DEPDC1B: variants seen among roughly 807,000 people sequenced by gnomAD.
The protein encoded by DEPDC1B is DEP domain-containing protein 1B.
Under a neutral mutation model 66.5 loss-of-function variants are expected in DEPDC1B, and 51 were observed. The ratio of observed to expected loss-of-function variants is 0.77; its 90% CI spans 0.61 to 0.97. The LOEUF (loss-of-function observed/expected upper bound fraction) is 0.97, where lower values mean the gene tolerates loss of function less well. Ranked by LOEUF, DEPDC1B falls within the 50% of genes least tolerant of loss-of-function variation. The pLI is 0.00. For synonymous variants in DEPDC1B, 226 were observed against 223.6 expected (o/e 1.01, Z -0.10); for missense variants, 552 against 637.1 (o/e 0.87, Z 1.44).
intron 7 of DEPDC1B, among the ~76,000 whole-genome samples, chr5:60,634,675 A>AAAATAAAT (rs57970296): frequency 0.11 from 16,688 of 146,356 alleles, 1,751 homozygotes; most frequent in African/African-American, 0.27. Context: ...CTGTCTCAAA[A>AAAATAAAT]AAATAAATAA....
intron 9 of DEPDC1B, among the ~76,000 whole-genome samples, chr5:60,602,367 C>CA (rs1303533924): frequency 2.6e-5 from 4 of 151,882 alleles, no homozygotes; most frequent in Admixed American, 1.3e-4. Context: ...TTGATAATTG[C>CA]AAAAAAATAG....
At chr5:60,658,752 G>A (rs1406165715) in intron 2 of DEPDC1B, among the ~76,000 whole-genome samples, 1 of 152,198 alleles carries the variant, frequency 6.6e-6, no homozygotes, top group Non-Finnish European at 1.5e-5. Context: ...GCAGGGAGCA[G>A]CAACCCCCTT....
At chr5:60,651,421 G>A (rs549786356) in intron 2 of DEPDC1B, among the ~76,000 whole-genome samples, 11 of 151,842 alleles carry the variant, frequency 7.2e-5, no homozygotes, top group South Asian at 2.1e-4. Context: ...CCAGCTACTC[G>A]GAAGGCAAAG....
chr5:60,634,861 T>A (rs967389344), intron 7 of DEPDC1B, among the ~76,000 whole-genome samples: 1 of 151,286 alleles, frequency 6.6e-6, no homozygotes, highest in African/African-American at 2.4e-5. Context: ...TAATTCAACA[T>A]CCTTACCTTG....
chr5:60,668,663 T>C (rs1051071446), intron 2 of DEPDC1B, among the ~76,000 whole-genome samples: 1 of 152,118 alleles, frequency 6.6e-6, no homozygotes, highest in East Asian at 1.9e-4. Flanking sequence ...CATTTCCAGA[T>C]GTGGAATTAG....
At chr5:60,614,254 TAAAC>T (rs1418019086) in intron 7 of DEPDC1B, among the ~76,000 whole-genome samples, 2 of 152,240 alleles carry the variant, frequency 1.3e-5, no homozygotes, top group Non-Finnish European at 2.9e-5. Context: ...AGTTAACAAA[TAAAC>T]AACCCAACTT....
rs1299303558 is a variant in DEPDC1B at position 60,622,031 on chromosome 5, A to T, written c.899-16175T>A. 1.4e-4 allele frequency among the ~76,000 whole-genome samples: 16 copies of T among 112,304 alleles called. No individual in the cohort carries two copies. The East Asian group carries it at 1.8e-3, about 13-fold the overall frequency. The allele number at this position is 112,304 out of a possible 152,430, so 73.7% of individuals were successfully genotyped here. On this transcript the variant is annotated intron_variant, in intron 7 of 10. Transcript: ENST00000265036. ...AAATAAAAATAAAACATGATGCTTT[A>T]AAAAAAAAAGTCCTCAAATAACATG...
chr5:60,647,422 G>A lies in DEPDC1B; in HGVS notation c.426C>T (p.Asn142=), dbSNP rs1402263707. 6.2e-7 allele frequency: 1 copy of A among 1,610,532 alleles called. No individual in the cohort carries two copies. ...CCATCACAACTGGCCTCACTGGGAT[G>A]TTCTCTTGTGAAGTGCCTGGTGGGA... ...NDLPPGTSQE[N]IPVRPVVMNS... Residue 142 remains asparagine, a synonymous_variant, in exon 3 of 11, where the codon AAC becomes AAT. Transcript: ENST00000265036.
chr5:60,635,774 AT>A (rs545445525), intron 7 of DEPDC1B, among the ~76,000 whole-genome samples: 3 of 152,150 alleles, frequency 2.0e-5, no homozygotes, highest in Non-Finnish European at 2.9e-5. Flanking sequence ...GATCTTCTAA[AT>A]TTTTTTTAAA....
At chr5:60,619,372 T>C (rs1232295261) in intron 7 of DEPDC1B, among the ~76,000 whole-genome samples, 2 of 152,334 alleles carry the variant, frequency 1.3e-5, no homozygotes, top group South Asian at 2.1e-4. Context: ...GATGACATGA[T>C]TGTATATCTA....
intron 7 of DEPDC1B, among the ~76,000 whole-genome samples, chr5:60,637,597 AT>A (rs1407927399): frequency 6.6e-6 from 1 of 152,192 alleles, no homozygotes; most frequent in Non-Finnish European, 1.5e-5. Context: ...GTCCATAAGC[AT>A]ACTAAGCAAC....
intron 7 of DEPDC1B, among the ~76,000 whole-genome samples, chr5:60,629,363 T>C (rs1472829922): frequency 6.6e-6 from 1 of 152,216 alleles, no homozygotes; most frequent in Non-Finnish European, 1.5e-5. Context: ...GTATATTCAG[T>C]GGTGGGATTA....
At chr5:60,615,608 C>T (rs961710721) in intron 7 of DEPDC1B, among the ~76,000 whole-genome samples, 2 of 152,212 alleles carry the variant, frequency 1.3e-5, no homozygotes, top group African/African-American at 2.4e-5. Context: ...GAGGGGCGCC[C>T]ACCATTGCCC....
chr5:60,624,512 T>A (rs1430605574), intron 7 of DEPDC1B, among the ~76,000 whole-genome samples: 1 of 152,232 alleles, frequency 6.6e-6, no homozygotes, highest in Non-Finnish European at 1.5e-5. Flanking sequence ...ATAAAATGGT[T>A]CAGGAAATAT....
At chr5:60,611,238 C>G (rs1188209834) in intron 7 of DEPDC1B, among the ~76,000 whole-genome samples, 1 of 152,032 alleles carries the variant, frequency 6.6e-6, no homozygotes, top group African/African-American at 2.4e-5. Context: ...TTGGGGGAAC[C>G]ACACAATATG....
intron 1 of DEPDC1B, among the ~76,000 whole-genome samples, chr5:60,689,209 A>AT (rs983878279): frequency 3.9e-5 from 6 of 152,254 alleles, no homozygotes; most frequent in African/African-American, 1.2e-4. Context: ...GTGAACTGCC[A>AT]TGTCTCATAG....
rs756138686 is a variant in DEPDC1B at position 60,687,245 on chromosome 5, A to G, written c.49-18T>C. On this transcript the variant is annotated intron_variant, in intron 1 of 10. Coordinates refer to ENST00000265036, the MANE Select transcript of DEPDC1B (RefSeq NM_018369.3). ...TCATTCCACTAGGGGAAAGAAAGAG[A>G]ATGGCATTTAGTAATCAACTGATTT... The G allele has an allele frequency of 5.0e-6, 8 of 1,589,288 alleles. No homozygotes were observed. The highest frequency in any genetic ancestry group is 3.4e-6 in the Non-Finnish European group (4 of 1,163,820).
At position 60,605,711 on chromosome 5, in the gene DEPDC1B, A is replaced by T; in HGVS notation, c.1044T>A (p.Asp348Glu). The T allele has an allele frequency of 6.2e-7, 1 of 1,611,658 alleles. No individual in the cohort carries two copies. The highest frequency in any genetic ancestry group is 1.1e-5 in the South Asian group (1 of 90,328). The change falls in exon 8 of 11, where the codon GAT becomes GAA. Residue 348 changes from aspartate to glutamate, a missense_variant. Physicochemically the swap from Asp to Glu is conservative, Grantham distance 45. Coordinates refer to ENST00000265036, the MANE Select transcript of DEPDC1B (RefSeq NM_018369.3). Reference protein sequence around the residue: ...CLNKEMPPLCDGFGTRTLMVQ... With the variant: ...CLNKEMPPLCEGFGTRTLMVQ... ...CTACCAGTGTTCGGGTACCAAAGCC[A>T]TCACACAGGGGTGGCATCTCTTTGT... is the stretch of plus-strand genomic sequence containing the variant.
intron 7 of DEPDC1B, chr5:60,628,549 G>C (rs1752852652): frequency 1.3e-5 from 2 of 151,964 alleles, no homozygotes. Flanking sequence ...AAAAATAAAA[G>C]GTTTATACTT....
Sources: allele counts gnomAD v4.1 joint callset (sites outside exome capture counted in the v4.1 genomes callset), GRCh38; gene constraint gnomAD v4.1.1; transcripts MANE v1.5; gene names NCBI Gene and HGNC (gene_info 2026-07-23, HGNC 2026-07-21).